ZBED6: variants seen among roughly 807,000 people sequenced by gnomAD.
ZBED6 encodes zinc finger BED-type containing 6.
Under a neutral mutation model 58.4 loss-of-function variants are expected in ZBED6, and 40 were observed. The ratio of observed to expected loss-of-function variants is 0.68; its 90% CI spans 0.53 to 0.89. The LOEUF (loss-of-function observed/expected upper bound fraction) is 0.89, where lower values mean the gene tolerates loss of function less well. Among genes scored for constraint, ZBED6 ranks in the 40% least tolerant of loss-of-function variants. The probability of loss-of-function intolerance (pLI) is 0.00; values close to 1 mark genes in which losing one functional copy is unlikely to be tolerated. For missense variants in ZBED6, 1,057 were observed against 1,003.9 expected, an observed-to-expected ratio of 1.05 and a Z score of -0.71; for synonymous variants, 439 against 350.6, an observed-to-expected ratio of 1.25 and a Z score of -2.82.
exon 2 of ZBED6, chr1:203,817,118 T>C (rs772349806): frequency 6.2e-7 from 1 of 1,606,930 alleles, no homozygotes; most frequent in South Asian, 1.1e-5. Context: ...ATTCCACATG[T>C]ACCAAAGTAA....
chr1:203,833,136 G>A (rs1232841224), intron 8 of ZBED6, among the ~76,000 whole-genome samples: 9 of 152,136 alleles, frequency 5.9e-5, no homozygotes, highest in African/African-American at 1.7e-4. Context: ...TTGGGAGGCC[G>A]AGGCGGGCAG....
exon 1 of ZBED6, chr1:203,802,597 G>A (rs1335240515): frequency 6.6e-6 from 1 of 151,348 alleles, no homozygotes; most frequent in East Asian, 1.9e-4. Context: ...CCAGAAATTG[G>A]ATCTTACTGA....
At chr1:203,834,214 G>A in intron 9 of ZBED6, 1 of 360,244 alleles carries the variant, frequency 2.8e-6, no homozygotes, top group African/African-American at 2.2e-5. Context: ...TCCCTAAGAA[G>A]AAAGAAGAAA....
At chr1:203,824,327 A>C (rs1679785027) in intron 3 of ZBED6, among the ~76,000 whole-genome samples, 1 of 151,974 alleles carries the variant, frequency 6.6e-6, no homozygotes, top group Non-Finnish European at 1.5e-5. Flanking sequence ...TCACTTGCAT[A>C]TGAATTTTAA....
intron 7 of ZBED6, 113 bp downstream of exon 7, chr1:203,830,316 G>C (rs1681847293): frequency 2.5e-6 from 2 of 815,592 alleles, no homozygotes; most frequent in South Asian, 3.7e-5. Flanking sequence ...TCCATGGCCT[G>C]TTTGAAGTAA....
At chr1:203,828,864 A>G (rs1310198666) in intron 4 of ZBED6, among the ~76,000 whole-genome samples, 1 of 152,202 alleles carries the variant, frequency 6.6e-6, no homozygotes, top group Non-Finnish European at 1.5e-5. Context: ...CAAAGCCTAA[A>G]TTATTAACTG....
At chr1:203,799,124 T>C (rs917226322) in exon 1 of ZBED6, 14 of 1,523,306 alleles carry the variant, frequency 9.2e-6, no homozygotes, top group Non-Finnish European at 1.1e-5. Context: ...CTAAAGACTG[T>C]TTGATAACCA....
At chr1:203,799,169 G>T (rs774043096) in exon 1 of ZBED6, 1 of 1,394,896 alleles carries the variant, frequency 7.2e-7, no homozygotes, top group African/African-American at 1.4e-5. Flanking sequence ...AGATTGGTCT[G>T]TGGCTTTCTC....
At chr1:203,836,924 C>T (rs1684532496) in intron 9 of ZBED6, among the ~76,000 whole-genome samples, 1 of 152,200 alleles carries the variant, frequency 6.6e-6, no homozygotes, top group African/African-American at 2.4e-5. Flanking sequence ...TTAAAGTCTT[C>T]ATACTAAAAA....
exon 1 of ZBED6, chr1:203,797,273 A>G (rs1367235242): frequency 1.3e-5 from 4 of 311,954 alleles, no homozygotes; most frequent in African/African-American, 4.4e-5. Flanking sequence ...ACACTGGACT[A>G]TTTGAATTCA....
rs925865642 is a variant in ZBED6, at chr1:203,799,329, G to T, written c.1807G>T (p.Glu603Ter). Reference sequence around the variant, plus strand: ...CTTTTTCTGCGAGCACAAAAGCATTGAGAATATGTTAGTGGCTGCCAGGAA... The same window carrying T: ...CTTTTTCTGCGAGCACAAAAGCATTTAGAATATGTTAGTGGCTGCCAGGAA... Residue 603 changes from glutamate to a stop codon, truncating the protein, a stop_gained, in exon 1 of 17, where the codon GAG (glutamate) becomes TAG (stop). Transcript: ENST00000550078. LOFTEE classifies it high-confidence loss of function. The T allele has an allele frequency of 2.8e-6, 2 of 707,844 alleles. No homozygotes were observed. Among genetic ancestry groups the T allele is most frequent in the Admixed American group, 4.0e-5 (2 of 50,016 alleles). The allele number at this position is 707,844 out of a possible 1,614,324, so 43.8% of individuals were successfully genotyped here.
At chr1:203,824,420 G>C (rs1276076743) in intron 3 of ZBED6, among the ~76,000 whole-genome samples, 1 of 152,056 alleles carries the variant, frequency 6.6e-6, no homozygotes, top group African/African-American at 2.4e-5. Context: ...TTTTTATCAT[G>C]TACCCCTTCT....
intron 1 of ZBED6, among the ~76,000 whole-genome samples, chr1:203,811,633 C>T (rs1446766345): frequency 2.6e-5 from 4 of 152,022 alleles, no homozygotes; most frequent in Admixed American, 6.6e-5. Flanking sequence ...ATTAGCCTCC[C>T]GAGTAGCTGA....
At chr1:203,844,561 G>C (rs1231723556) in intron 11 of ZBED6, among the ~76,000 whole-genome samples, 1 of 151,942 alleles carries the variant, frequency 6.6e-6, no homozygotes, top group Non-Finnish European at 1.5e-5. Flanking sequence ...ATTTATTTTG[G>C]TTTATCTTAA....
At chr1:203,801,786 A>G (rs1304689718) in exon 1 of ZBED6, 1 of 150,260 alleles carries the variant, frequency 6.7e-6, no homozygotes, top group African/African-American at 2.5e-5. Context: ...ACTCATTTCT[A>G]TGTATCAAAA....
chr1:203,850,608 C>G lies in ZBED6; in HGVS notation c.*4732C>G, dbSNP rs749967233. On this transcript the variant is annotated 3_prime_UTR_variant, in exon 15 of 17. Transcript: ENST00000550078. ...CGTAAGGCAGTGGAGATGCACGCTG[C>G]TGTCATTGCCGCTGTGAAGCCACTC... is the stretch of plus-strand genomic sequence containing the variant. 6 of 1,614,154 alleles carry G rather than the reference C, an allele frequency of 3.7e-6. No homozygotes were observed. The highest frequency in any genetic ancestry group is 1.3e-5 in the African/African-American group (1 of 75,052).
intron 11 of ZBED6, among the ~76,000 whole-genome samples, chr1:203,843,263 T>G (rs573986658): frequency 6.6e-6 from 1 of 152,340 alleles, no homozygotes; most frequent in East Asian, 1.9e-4. Context: ...AAATACTGAT[T>G]CAGTAAATAC....
intron 1 of ZBED6, among the ~76,000 whole-genome samples, chr1:203,816,617 TGAGA>T (rs1223607614): frequency 6.6e-6 from 1 of 152,052 alleles, no homozygotes; most frequent in Non-Finnish European, 1.5e-5. Context: ...GGCAACAGAG[TGAGA>T]CACTGTCTCT....
At chr1:203,835,805 TG>T in intron 9 of ZBED6, 1 of 243,542 alleles carries the variant, frequency 4.1e-6, no homozygotes, top group Non-Finnish European at 9.2e-6. Flanking sequence ...TTGTTTCATC[TG>T]GGGCATAAAC....
Sources: allele counts gnomAD v4.1 joint callset (sites outside exome capture counted in the v4.1 genomes callset), GRCh38; gene constraint gnomAD v4.1.1; transcripts MANE v1.5; gene names NCBI Gene and HGNC (gene_info 2026-07-23, HGNC 2026-07-21).